RUNDC3B: variants seen among roughly 807,000 people sequenced by gnomAD.
RUNDC3B encodes the protein RUN domain-containing protein 3B.
RUNDC3B carries 33 observed loss-of-function variants against 58.4 expected under a neutral mutation model. That is an observed-to-expected ratio of 0.56 (90% CI 0.43 to 0.75). The LOEUF (loss-of-function observed/expected upper bound fraction) is 0.75, where lower values mean the gene tolerates loss of function less well. RUNDC3B is among the 30% of genes least tolerant of loss of function. The pLI, the probability that RUNDC3B is intolerant of heterozygous loss-of-function variation, is 0.00. For synonymous variants in RUNDC3B, 193 were observed against 195.2 expected (o/e 0.99, Z 0.10); for missense variants, 501 against 535.7 (o/e 0.94, Z 0.64).
chr7:87,797,153 A>G (rs1835865715), intron 8 of RUNDC3B, among the ~76,000 whole-genome samples: 1 of 152,188 alleles, frequency 6.6e-6, no homozygotes, highest in African/African-American at 2.4e-5. Context: ...GAGTTTAAAG[A>G]ATATAAAATA....
intron 2 of RUNDC3B, among the ~76,000 whole-genome samples, chr7:87,685,427 G>A (rs1363182915): frequency 5.9e-5 from 9 of 152,054 alleles, no homozygotes; most frequent in Admixed American, 5.2e-4. Flanking sequence ...GTCAAAAACT[G>A]GAAACAACCC....
intron 2 of RUNDC3B, among the ~76,000 whole-genome samples, chr7:87,652,620 T>TGA (rs1823686238): frequency 1.4e-4 from 15 of 104,120 alleles, no homozygotes; most frequent in African/African-American, 6.6e-4. Flanking sequence ...TTGTGGTCAC[T>TGA]GATATATATA....
At chr7:87,689,447 T>G (rs1295832076) in intron 2 of RUNDC3B, among the ~76,000 whole-genome samples, 3 of 152,276 alleles carry the variant, frequency 2.0e-5, no homozygotes, top group South Asian at 2.1e-4. Context: ...AAAATTGCTT[T>G]CTTTATTATT....
chr7:87,710,648 A>G lies in RUNDC3B; in HGVS notation c.451A>G (p.Thr151Ala). Reference protein sequence around the residue: ...YISTALRDFKTTRRFYEDGAI... With the variant: ...YISTALRDFKATRRFYEDGAI... The stretch of plus-strand genomic sequence containing the variant: ...CTCTACAGCTCTGAGAGACTTCAAA[A>G]CAACCAGGTTTAAAAGTCCTTTTAA... The change falls in exon 4 of 11, where the codon ACA (threonine) becomes GCA (alanine). Residue 151 changes from threonine to alanine, a missense_variant. Coordinates refer to ENST00000394654, the MANE Select transcript of RUNDC3B (RefSeq NM_001134405.2). 1 of 1,574,768 alleles carries G rather than the reference A, an allele frequency of 6.4e-7. No individual in the cohort carries two copies. Among genetic ancestry groups the G allele is most frequent in the Non-Finnish European group, 8.7e-7 (1 of 1,152,372 alleles).
intron 6 of RUNDC3B, among the ~76,000 whole-genome samples, chr7:87,765,165 CTTATT>C (rs1233999034): frequency 6.6e-6 from 1 of 151,756 alleles, no homozygotes; most frequent in Non-Finnish European, 1.5e-5. Flanking sequence ...TCTGATTGTG[CTTATT>C]TTAATTTTCT....
At chr7:87,635,942 T>A (rs2130242311) in intron 1 of RUNDC3B, among the ~76,000 whole-genome samples, 1 of 152,366 alleles carries the variant, frequency 6.6e-6, no homozygotes, top group Non-Finnish European at 1.5e-5. Flanking sequence ...TCATTTTCAT[T>A]GCTGTATCTT....
intron 8 of RUNDC3B, among the ~76,000 whole-genome samples, chr7:87,794,157 C>T (rs987378976): frequency 6.6e-6 from 1 of 152,150 alleles, no homozygotes; most frequent in African/African-American, 2.4e-5. Context: ...GTAAAACAGG[C>T]CAGACGCAGT....
chr7:87,695,188 G>A (rs1828395648), intron 2 of RUNDC3B, among the ~76,000 whole-genome samples: 1 of 151,908 alleles, frequency 6.6e-6, no homozygotes, highest in Non-Finnish European at 1.5e-5. Context: ...CTATTTTTTA[G>A]AACATTAATT....
At chr7:87,775,974 T>C (rs1472331674) in intron 7 of RUNDC3B, among the ~76,000 whole-genome samples, 1 of 152,142 alleles carries the variant, frequency 6.6e-6, no homozygotes, top group Admixed American at 6.6e-5. Flanking sequence ...GTGATCCCTA[T>C]ATATGGACTG....
At chr7:87,753,181 G>T (rs1413700084) in intron 6 of RUNDC3B, among the ~76,000 whole-genome samples, 1 of 150,646 alleles carries the variant, frequency 6.6e-6, no homozygotes, top group Admixed American at 6.6e-5. Context: ...TAGTTGAGCG[G>T]TTTTGAGTGA....
chr7:87,714,108 G>A (rs1419979091), intron 4 of RUNDC3B, among the ~76,000 whole-genome samples: 4 of 152,164 alleles, frequency 2.6e-5, no homozygotes, highest in Non-Finnish European at 4.4e-5. Context: ...ATAGTGATAA[G>A]TAACCAAAAT....
At chr7:87,651,033 C>A in intron 2 of RUNDC3B, 96 bp downstream of exon 2, 1 of 688,334 alleles carries the variant, frequency 1.5e-6, no homozygotes, top group Non-Finnish European at 2.5e-6. Context: ...CTTAGATAGC[C>A]AACATTCTAT....
chr7:87,688,350 G>C (rs1046456783), intron 2 of RUNDC3B, among the ~76,000 whole-genome samples: 1 of 151,878 alleles, frequency 6.6e-6, no homozygotes, highest in Admixed American at 6.6e-5. Context: ...TCTAAAAACA[G>C]AGAGCTACAC....
At chr7:87,639,012 C>T (rs1822145427) in intron 1 of RUNDC3B, among the ~76,000 whole-genome samples, 2 of 151,960 alleles carry the variant, frequency 1.3e-5, no homozygotes, top group Non-Finnish European at 2.9e-5. Context: ...ATTAGCCAGG[C>T]GTGATGGCAG....
Position 87,799,716 on chromosome 7 carries a change from G to A in RUNDC3B, c.957-7657G>A, listed in dbSNP as rs150197532. 5.1e-4 allele frequency among the ~76,000 whole-genome samples: 77 copies of A among 151,902 alleles called. No homozygotes were observed. The Middle Eastern group carries it at 0.01, about 20-fold the overall frequency. ...ATCCTGGCCAACATGTTGAAAGCCC[G>A]TCTCTACTAAAAGTACAAAAATTAG... On this transcript the variant is annotated intron_variant, in intron 8 of 10. Transcript: ENST00000394654.
At chr7:87,735,378 C>CAAAA (rs1274949402) in intron 4 of RUNDC3B, among the ~76,000 whole-genome samples, 1 of 152,084 alleles carries the variant, frequency 6.6e-6, no homozygotes, top group Non-Finnish European at 1.5e-5. Flanking sequence ...TCCAGTTTGC[C>CAAAA]CCCTTTCAGT....
intron 2 of RUNDC3B, among the ~76,000 whole-genome samples, chr7:87,692,626 T>C (rs1318283798): frequency 6.6e-6 from 1 of 152,206 alleles, no homozygotes; most frequent in East Asian, 1.9e-4. Flanking sequence ...TTCATGGAAA[T>C]TGTTTTTACT....
intron 1 of RUNDC3B, among the ~76,000 whole-genome samples, chr7:87,648,150 A>G (rs1371238239): frequency 6.7e-6 from 1 of 149,384 alleles, no homozygotes; most frequent in Non-Finnish European, 1.5e-5. Context: ...ACACCATTGC[A>G]CTCCAGCCTG....
Position 87,680,097 on chromosome 7 carries a change from A to G in RUNDC3B, c.239-20324A>G, listed in dbSNP as rs538950267. 5.4e-4 allele frequency among the ~76,000 whole-genome samples: 81 copies of G among 150,332 alleles called. 6 individuals are homozygous for G. Among genetic ancestry groups the G allele is most frequent in the African/African-American group, 2.0e-3 (80 of 40,500 alleles). On this transcript the variant is annotated intron_variant, in intron 2 of 10. Coordinates refer to ENST00000394654, the MANE Select transcript of RUNDC3B (RefSeq NM_001134405.2). ...TGTGTCCATGTGTTCTCGTTGTTCA[A>G]CTTCCACTTATGAGTGAGAACATGC... is the stretch of plus-strand genomic sequence containing the variant.
Sources: allele counts gnomAD v4.1 joint callset (sites outside exome capture counted in the v4.1 genomes callset), GRCh38; gene constraint gnomAD v4.1.1; transcripts MANE v1.5; gene names NCBI Gene and HGNC (gene_info 2026-07-23, HGNC 2026-07-21).